Variants in KY observed in about 807,000 individuals in gnomAD.
KY encodes the protein kyphoscoliosis peptidase.
Under a neutral mutation model 76.1 loss-of-function variants are expected in KY, and 43 were observed. That is an observed-to-expected ratio of 0.57 (90% CI 0.44 to 0.73). The LOEUF is 0.73. KY is among the 30% of genes least tolerant of loss of function. The pLI, the probability that KY is intolerant of heterozygous loss-of-function variation, is 0.00. For missense variants in KY, 722 were observed against 828.9 expected, an observed-to-expected ratio of 0.87 and a Z score of 1.58; for synonymous variants, 277 against 326.2, an observed-to-expected ratio of 0.85 and a Z score of 1.63.
At chr3:134,610,498 C>G in intron 8 of KY, 115 bp from the exon 9 acceptor site, 1 of 859,598 alleles carries the variant, frequency 1.2e-6, no homozygotes, top group Non-Finnish European at 1.8e-6. Context: ...CCTGTCTATC[C>G]TTTTCCTTGC....
At chr3:134,636,774 T>C (rs527663758) in intron 3 of KY, among the ~76,000 whole-genome samples, 1 of 152,380 alleles carries the variant, frequency 6.6e-6, no homozygotes, top group South Asian at 2.1e-4. Context: ...CACTGATGTT[T>C]GGTTTTATCA....
intron 6 of KY, among the ~76,000 whole-genome samples, chr3:134,623,443 C>T (rs1962966521): frequency 1.3e-5 from 2 of 152,270 alleles, no homozygotes; most frequent in South Asian, 2.1e-4. Context: ...TTCTCTATGT[C>T]TCAGGTCTTC....
At chr3:134,615,013 T>A (rs1446135865) in intron 8 of KY, among the ~76,000 whole-genome samples, 1 of 152,256 alleles carries the variant, frequency 6.6e-6, no homozygotes, top group Non-Finnish European at 1.5e-5. Context: ...GTTTCTATAC[T>A]GCAGCAGGAC....
At chr3:134,614,726 G>A (rs1353992351) in intron 8 of KY, among the ~76,000 whole-genome samples, 1 of 152,128 alleles carries the variant, frequency 6.6e-6, no homozygotes, top group Non-Finnish European at 1.5e-5. Context: ...TATTAATTTG[G>A]TATTATTTTA....
intron 5 of KY, among the ~76,000 whole-genome samples, chr3:134,627,421 T>C (rs1246644375): frequency 6.6e-6 from 1 of 152,230 alleles, no homozygotes; most frequent in African/African-American, 2.4e-5. Context: ...CTTATTCACA[T>C]GCCTCCTACC....
chr3:134,639,144 C>A (rs1391787380), intron 3 of KY, among the ~76,000 whole-genome samples: 1 of 140,002 alleles, frequency 7.1e-6, no homozygotes, highest in Non-Finnish European at 1.5e-5. Flanking sequence ...AAAAAAAATA[C>A]CCTTAAAGAG....
Position 134,619,128 on chromosome 3 carries a change from G to A in KY, c.710+20C>T. The A allele has an allele frequency of 6.3e-7, 1 of 1,590,544 alleles. No individual in the cohort carries two copies. Among genetic ancestry groups the A allele is most frequent in the Non-Finnish European group, 8.6e-7 (1 of 1,159,068 alleles). On this transcript the variant is annotated intron_variant, in intron 8 of 10. Transcript: ENST00000423778. Reference sequence around the variant, plus strand: ...AGGGATGGGTCCGGTGGTCAGCATGGGGACTCCTGTCTCTCGTACCTGCAC... The same window carrying A: ...AGGGATGGGTCCGGTGGTCAGCATGAGGACTCCTGTCTCTCGTACCTGCAC...
intron 2 of KY, among the ~76,000 whole-genome samples, chr3:134,645,963 A>G (rs965191990): frequency 1.3e-5 from 2 of 152,244 alleles, no homozygotes; most frequent in African/African-American, 4.8e-5. Context: ...ATGTAATAAC[A>G]TGCCTGAGAA....
chr3:134,636,490 A>T (rs1301238759), intron 3 of KY, among the ~76,000 whole-genome samples: 1 of 152,230 alleles, frequency 6.6e-6, no homozygotes, highest in Non-Finnish European at 1.5e-5. Flanking sequence ...CAGCCATAAC[A>T]GCCATGTGAA....
At chr3:134,607,374 A>G in intron 10 of KY, 1 of 985,536 alleles carries the variant, frequency 1.0e-6, no homozygotes. Flanking sequence ...CCGCTGCCCC[A>G]TTGCCCTGCA....
intron 1 of KY, among the ~76,000 whole-genome samples, chr3:134,648,354 C>T (rs985089646): frequency 2.6e-5 from 4 of 152,148 alleles, no homozygotes; most frequent in Non-Finnish European, 5.9e-5. Flanking sequence ...CTGCAGAGCC[C>T]CCCATAGCCA....
intron 3 of KY, among the ~76,000 whole-genome samples, chr3:134,635,460 G>A (rs1433750192): frequency 7.6e-6 from 1 of 132,006 alleles, no homozygotes; most frequent in African/African-American, 2.8e-5. Context: ...TCGTGCCACT[G>A]CAGTCCAGCC....
At chr3:134,637,893 T>C (rs565022608) in intron 3 of KY, among the ~76,000 whole-genome samples, 1 of 152,368 alleles carries the variant, frequency 6.6e-6, no homozygotes, top group East Asian at 1.9e-4. Flanking sequence ...GGTGGGCTCA[T>C]GTTCGGAGCA....
chr3:134,605,752 TCCTAATAACGAGG>T (rs1577576937), intron 10 of KY, among the ~76,000 whole-genome samples: 2 of 151,996 alleles, frequency 1.3e-5, no homozygotes, highest in Non-Finnish European at 2.9e-5. Flanking sequence ...TCCAGTGACT[TCCTAATAACGAGG>T]CCTCTCAGAC....
rs1959094282 is a variant in KY at position 134,604,204 on chromosome 3, G to A, written c.1361C>T (p.Pro454Leu). 1.2e-6 allele frequency: 2 copies of A among 1,612,548 alleles called. No homozygotes were observed. Among genetic ancestry groups the A allele is most frequent in the African/African-American group, 1.3e-5 (1 of 74,904 alleles). Residue 454 changes from proline (P) to leucine (L), a missense_variant, in exon 11 of 11, where the codon CCC becomes CTC. Physicochemically the swap from Pro to Leu is moderately conservative, Grantham distance 98. Coordinates refer to ENST00000423778, the MANE Select transcript of KY (RefSeq NM_178554.6). The part of the protein sequence containing the change: ...LPAELHQPVG[P>L]SWFSEQMGIM... The stretch of plus-strand genomic sequence containing the variant: ...GCCCATCTGCTCCGAGAACCAGCTG[G>A]GGCCCACGGGCTGGTGAAGCTCAGC...
chr3:134,606,579 CT>C (rs1475363630), intron 10 of KY, among the ~76,000 whole-genome samples: 1 of 152,178 alleles, frequency 6.6e-6, no homozygotes, highest in African/African-American at 2.4e-5. Context: ...CGTTCCACTG[CT>C]GTAATTCATC....
At chr3:134,640,293 G>A (rs138522982) in intron 3 of KY, among the ~76,000 whole-genome samples, 86 of 152,236 alleles carry the variant, frequency 5.6e-4, no homozygotes, top group African/African-American at 1.9e-3. Context: ...GACAGTATGG[G>A]GGAGTAGTTA....
At position 134,600,344 on chromosome 3, in the gene KY, C is replaced by T. The variant is rs1224583171; in HGVS notation, c.*3235G>A. ...TTCACAAACTTTCTTGGCAACTTGT[C>T]CCTCCTGCTTAACAACAGGAAATAG... On this transcript the variant is annotated 3_prime_UTR_variant, in exon 11 of 11. Transcript: ENST00000423778. 6.6e-6 allele frequency among the ~76,000 whole-genome samples: 1 copy of T among 152,228 alleles called. No homozygotes were observed. Among genetic ancestry groups the T allele is most frequent in the Non-Finnish European group, 1.5e-5 (1 of 68,036 alleles).
At chr3:134,612,418 C>A (rs1250931539) in intron 8 of KY, among the ~76,000 whole-genome samples, 1 of 152,154 alleles carries the variant, frequency 6.6e-6, no homozygotes, top group Non-Finnish European at 1.5e-5. Flanking sequence ...CTCCTCATTT[C>A]TCTGCAGTGC....
Sources: gnomAD v4.1 joint callset for allele counts (sites outside exome capture counted in the v4.1 genomes callset) on GRCh38, gnomAD v4.1.1 for gene constraint, MANE v1.5 for transcripts, NCBI Gene and HGNC (gene_info 2026-07-23, HGNC 2026-07-21) for gene names.